CA13: variants seen among roughly 807,000 people sequenced by gnomAD.
The protein encoded by CA13 is carbonic anhydrase 13, also known as CA-XIII.
CA13 carries 21 observed loss-of-function variants against 31.5 expected under a neutral mutation model. The ratio of observed to expected loss-of-function variants is 0.67; its 90% CI spans 0.47 to 0.96. CA13 has a LOEUF of 0.96. Among genes scored for constraint, CA13 ranks in the 40% least tolerant of loss-of-function variants. CA13 has a pLI of 0.00. For synonymous variants in CA13, 117 were observed against 111.4 expected, an observed-to-expected ratio of 1.05 and a Z score of -0.32; for missense variants, 315 against 318.9, an observed-to-expected ratio of 0.99 and a Z score of 0.09.
At chr8:85,246,509 C>T in intron 1 of CA13, 1 of 456,024 alleles carries the variant, frequency 2.2e-6, no homozygotes, top group Non-Finnish European at 4.4e-6. Context: ...GTTACTTCTC[C>T]ACTCTTCTTC....
In CA13 at chr8:85,262,778, A is replaced by G. The variant is rs992413626; in HGVS notation, c.354+3239A>G. ...AGTTCCAGGCAATAAATGAGAGTGC[A>G]GGTAGAGGCTGGCTGGCTGGCAGTG... On this transcript the variant is annotated intron_variant, in intron 3 of 6. Transcript: ENST00000321764. Among the ~76,000 whole-genome samples, 6 of 152,272 alleles carry G rather than the reference A, an allele frequency of 3.9e-5. No homozygotes were observed. The South Asian group carries it at 1.0e-3, about 26-fold the overall frequency.
chr8:85,265,631 C>G (rs907480756), intron 3 of CA13, among the ~76,000 whole-genome samples: 7 of 151,906 alleles, frequency 4.6e-5, no homozygotes, highest in Non-Finnish European at 1.0e-4. Context: ...TTGAAACTTG[C>G]TCTCAGCAAA....
chr8:85,252,808 CT>C (rs1398678343), intron 2 of CA13, among the ~76,000 whole-genome samples: 1 of 152,106 alleles, frequency 6.6e-6, no homozygotes, highest in Non-Finnish European at 1.5e-5. Flanking sequence ...AAAGTTTTTA[CT>C]TATTAATTGA....
chr8:85,254,139 G>A (rs1807240868), intron 2 of CA13, among the ~76,000 whole-genome samples: 1 of 151,888 alleles, frequency 6.6e-6, no homozygotes, highest in South Asian at 2.1e-4. Flanking sequence ...TTAGCCAGGA[G>A]TGGTGACACA....
intron 3 of CA13, among the ~76,000 whole-genome samples, chr8:85,261,687 A>G (rs1399175156): frequency 6.6e-6 from 1 of 152,026 alleles, no homozygotes; most frequent in East Asian, 1.9e-4. Flanking sequence ...CGGACTCCCA[A>G]AGTGTTAGGA....
At chr8:85,273,160 T>C (rs2129997622) in intron 6 of CA13, among the ~76,000 whole-genome samples, 2 of 152,356 alleles carry the variant, frequency 1.3e-5, no homozygotes, top group South Asian at 4.1e-4. Flanking sequence ...GGCTGTGTCA[T>C]ATTAAATTCC....
At chr8:85,252,209 A>G (rs1448574507) in intron 2 of CA13, among the ~76,000 whole-genome samples, 1 of 152,210 alleles carries the variant, frequency 6.6e-6, no homozygotes, top group East Asian at 1.9e-4. Context: ...ATGAGCCATG[A>G]TAGTGCCACT....
At chr8:85,247,259 GTAGT>G (rs1345743499) in intron 1 of CA13, among the ~76,000 whole-genome samples, 1 of 152,096 alleles carries the variant, frequency 6.6e-6, no homozygotes, top group African/African-American at 2.4e-5. Flanking sequence ...CGCCTTTATG[GTAGT>G]TAGGAAGAAG....
intron 3 of CA13, among the ~76,000 whole-genome samples, chr8:85,263,004 G>C (rs1168699321): frequency 6.6e-6 from 1 of 152,158 alleles, no homozygotes. Flanking sequence ...CATGTGATCT[G>C]GTAGAGTGGC....
At chr8:85,276,287 C>T (rs966583311) in intron 6 of CA13, among the ~76,000 whole-genome samples, 14 of 152,224 alleles carry the variant, frequency 9.2e-5, no homozygotes, top group Admixed American at 6.5e-5. Flanking sequence ...ACCTGCAGCC[C>T]GCCATGCTTG....
chr8:85,250,987 GA>G (rs1813817260), intron 2 of CA13, 50 bp downstream of exon 2: 1 of 1,127,634 alleles, frequency 8.9e-7, no homozygotes, highest in South Asian at 1.3e-5. Context: ...GGGTTTGAAT[GA>G]TTAGACTATA....
chr8:85,258,920 T>A (rs1362721378), intron 2 of CA13, among the ~76,000 whole-genome samples: 1 of 151,690 alleles, frequency 6.6e-6, no homozygotes, highest in Non-Finnish European at 1.5e-5. Context: ...GGGCGAGACC[T>A]TGTCTCAAGG....
At chr8:85,278,749 A>G (rs1048659749) in intron 6 of CA13, among the ~76,000 whole-genome samples, 1 of 152,200 alleles carries the variant, frequency 6.6e-6, no homozygotes, top group African/African-American at 2.4e-5. Context: ...ACCTTTGTGT[A>G]CTTTTGAACA....
chr8:85,271,309 T>A (rs1807522685), intron 6 of CA13, among the ~76,000 whole-genome samples: 1 of 152,230 alleles, frequency 6.6e-6, no homozygotes, highest in South Asian at 2.1e-4. Flanking sequence ...GAGATATGAA[T>A]ACTAAGTGTA....
At chr8:85,259,263 T>G (rs920012560) in intron 2 of CA13, among the ~76,000 whole-genome samples, 158 bp from the exon 3 acceptor site, 1 of 152,232 alleles carries the variant, frequency 6.6e-6, no homozygotes, top group African/African-American at 2.4e-5. Flanking sequence ...CTACACATAT[T>G]TAAAAGTGGT....
At chr8:85,278,018 T>G (rs1807640768) in intron 6 of CA13, among the ~76,000 whole-genome samples, 1 of 151,800 alleles carries the variant, frequency 6.6e-6, no homozygotes, top group African/African-American at 2.4e-5. Flanking sequence ...CCCAGCATTT[T>G]GAAAGGCTGA....
intron 1 of CA13, chr8:85,246,524 C>T (rs1299107351): frequency 6.6e-6 from 3 of 455,980 alleles, no homozygotes; most frequent in Admixed American, 2.3e-5. Flanking sequence ...TTCTTCTCCA[C>T]GCTCATCCTT....
chr8:85,272,316 C>T (rs1439602064), intron 6 of CA13, among the ~76,000 whole-genome samples: 2 of 151,266 alleles, frequency 1.3e-5, no homozygotes, highest in Non-Finnish European at 3.0e-5. Flanking sequence ...AGTGGAGTGG[C>T]GAGATCTTGG....
At chr8:85,254,772 G>GTTTTTTTTTTTTTTTTTTTTTTTTTTTT (rs10658651) in intron 2 of CA13, among the ~76,000 whole-genome samples, 1 of 122,652 alleles carries the variant, frequency 8.2e-6, no homozygotes, top group African/African-American at 3.0e-5. Flanking sequence ...AGTTAAACAA[G>GTTTTTTTTTTTTTTTTTTTTTTTTTTTT]TTTTTTTTTT....
Sources: gnomAD v4.1 joint callset for allele counts (sites outside exome capture counted in the v4.1 genomes callset) on GRCh38, gnomAD v4.1.1 for gene constraint, MANE v1.5 for transcripts, NCBI Gene and HGNC (gene_info 2026-07-23, HGNC 2026-07-21) for gene names.